The following KCNMA1 variants were observed in gnomAD, a reference collection of about 807,000 sequenced individuals.
The protein encoded by KCNMA1 is potassium calcium-activated channel subfamily M alpha 1.
In KCNMA1, 29 loss-of-function variants were observed where a neutral mutation model predicts 140.0. The ratio of observed to expected loss-of-function variants is 0.21; its 90% CI spans 0.15 to 0.28. The LOEUF (loss-of-function observed/expected upper bound fraction) is 0.28. Among genes scored for constraint, KCNMA1 ranks in the 10% least tolerant of loss-of-function variants. The pLI is 1.00. For missense variants in KCNMA1, 880 were observed against 1,602.2 expected, an observed-to-expected ratio of 0.55 and a Z score of 7.70; for synonymous variants, 612 against 611.9, an observed-to-expected ratio of 1.00 and a Z score of 0.00.
chr10:77,636,234 T>C, intron 1 of KCNMA1: 1 of 1,432,564 alleles, frequency 7.0e-7, no homozygotes, highest in Non-Finnish European at 9.1e-7. Context: ...TCTGCAGTTT[T>C]CTATCAGTGT....
intron 5 of KCNMA1, among the ~76,000 whole-genome samples, chr10:77,179,748 G>A (rs2098787775): frequency 6.6e-6 from 1 of 152,170 alleles, no homozygotes; most frequent in Non-Finnish European, 1.5e-5. Flanking sequence ...CCTTGGACAA[G>A]ATAATCTCTC....
At chr10:76,950,425 A>G (rs993375018) in intron 21 of KCNMA1, among the ~76,000 whole-genome samples, 1 of 152,206 alleles carries the variant, frequency 6.6e-6, no homozygotes, top group Non-Finnish European at 1.5e-5. Context: ...CAGTCACTCT[A>G]TTAGAGGAGA....
chr10:77,186,128 T>A (rs1301799494), intron 3 of KCNMA1, among the ~76,000 whole-genome samples: 3 of 152,130 alleles, frequency 2.0e-5, no homozygotes, highest in African/African-American at 7.2e-5. Flanking sequence ...CAGGAATCTG[T>A]GCAGTAGAGG....
rs572673538 is a variant in KCNMA1, at chr10:76,885,562, A to G, written c.*1704T>C. ...AAAATCTAAATCCAAAACATTCACC[A>G]TAAAAACACCTTTTTAGAGATGGTA... On this transcript the variant is annotated 3_prime_UTR_variant, in exon 28 of 28. Transcript: ENST00000286628. 29 of 985,390 alleles carry G rather than the reference A, an allele frequency of 2.9e-5. 1 individual carries two copies. In the South Asian group the frequency reaches 1.2e-3, roughly 42 times the overall value. The allele number at this position is 985,390 out of a possible 1,614,324, so 61.0% of individuals were successfully genotyped here.
chr10:77,285,241 A>C lies in KCNMA1; in HGVS notation c.541-33985T>G, dbSNP rs1390331009. ...TCACAATACTTATGCTAAATATGTA[A>C]GAAAATTTCTGATAGACTCTAAATC... On this transcript the variant is annotated intron_variant, in intron 2 of 27. Transcript: ENST00000286628. 3.9e-5 allele frequency among the ~76,000 whole-genome samples: 6 copies of C among 152,344 alleles called. No homozygotes were observed. In the East Asian group the frequency reaches 1.2e-3, roughly 29 times the overall value.
intron 3 of KCNMA1, among the ~76,000 whole-genome samples, chr10:77,200,276 T>G (rs1380155212): frequency 6.6e-6 from 1 of 151,940 alleles, no homozygotes; most frequent in Non-Finnish European, 1.5e-5. Context: ...TGCTGGAGAG[T>G]GGTACCATTA....
intron 1 of KCNMA1, among the ~76,000 whole-genome samples, chr10:77,559,851 A>G (rs2619638): frequency 0.91 from 138,595 of 152,128 alleles, 63,274 homozygotes; most frequent in Middle Eastern, 0.97. Flanking sequence ...GCATTTAAGC[A>G]CCCTCAACTA....
rs2091393896 is a variant in KCNMA1 at position 77,013,722 on chromosome 10, A to T, written c.2016-1679T>A. Among the ~76,000 whole-genome samples the T allele has an allele frequency of 2.6e-5, 4 of 152,216 alleles. No individual in the cohort carries two copies. The South Asian group carries it at 8.3e-4, about 32-fold the overall frequency. On this transcript the variant is annotated intron_variant, in intron 17 of 27. Transcript: ENST00000286628. The stretch of plus-strand genomic sequence containing the variant: ...AGCATTAAACATATTTGATCCTCAA[A>T]CAACCCTTTGAAGGAGGTATGATTA...
chr10:77,404,110 G>A lies in KCNMA1; in HGVS notation c.379-87C>T, dbSNP rs187580473. The A allele has an allele frequency of 9.0e-5, 121 of 1,338,140 alleles. No homozygotes were observed. In the Admixed American group the frequency reaches 1.1e-3, roughly 12 times the overall value. The allele number at this position is 1,338,140 out of a possible 1,614,324, so 82.9% of individuals were successfully genotyped here. On this transcript the variant is annotated intron_variant, in intron 1 of 27. Transcript: ENST00000286628. ...ACCCATAAAGAACCAGAGCCAGAAGGGGTCCCCAGCTGAGATGGAAACTAG... is the reference window on the plus strand; with the variant it reads ...ACCCATAAAGAACCAGAGCCAGAAGAGGTCCCCAGCTGAGATGGAAACTAG...
intron 1 of KCNMA1, among the ~76,000 whole-genome samples, chr10:77,544,876 C>T (rs2061045647): frequency 6.6e-6 from 1 of 152,208 alleles, no homozygotes. Flanking sequence ...GGCACTGACT[C>T]TGCTCCCTGG....
chr10:77,303,430 C>A (rs886515566), intron 2 of KCNMA1, among the ~76,000 whole-genome samples: 1 of 152,146 alleles, frequency 6.6e-6, no homozygotes, highest in African/African-American at 2.4e-5. Context: ...ACTTTCCCAC[C>A]CTTAACCCCA....
In KCNMA1 at chr10:76,886,394, A is replaced by T; in HGVS notation, c.*872T>A. 1 of 985,148 alleles carries T rather than the reference A, an allele frequency of 1.0e-6. No individual in the cohort carries two copies. The highest frequency in any genetic ancestry group is 1.2e-6 in the Non-Finnish European group (1 of 829,656). The allele number at this position is 985,148 out of a possible 1,614,324, so 61.0% of individuals were successfully genotyped here. A position where few individuals can be genotyped will look rare whatever the true frequency, so the allele number is the denominator to read the frequency against. ...TTTTAATGACTTACATCTGATATTT[A>T]TGATACATATGGCTTTTCATCCCAA... On this transcript the variant is annotated 3_prime_UTR_variant, in exon 28 of 28. Transcript: ENST00000286628.
intron 25 of KCNMA1, among the ~76,000 whole-genome samples, chr10:76,893,794 C>G (rs1291703386): frequency 6.6e-6 from 1 of 152,040 alleles, no homozygotes; most frequent in Non-Finnish European, 1.5e-5. Flanking sequence ...AGGAACAAGA[C>G]TGGTATACTG....
rs559560147 is a variant in KCNMA1 at position 77,366,279 on chromosome 10, C to T, written c.540+37583G>A. On this transcript the variant is annotated intron_variant, in intron 2 of 27. Coordinates refer to ENST00000286628, the MANE Select transcript of KCNMA1 (RefSeq NM_001161352.2). ...CGCCTCCCAGGTTCAAGTAATTCTCCTGTCTCAGCCCCTGGAGTAGTTGAG... is the reference window on the plus strand; with the variant it reads ...CGCCTCCCAGGTTCAAGTAATTCTCTTGTCTCAGCCCCTGGAGTAGTTGAG... 1.6e-4 allele frequency among the ~76,000 whole-genome samples: 25 copies of T among 152,258 alleles called. No homozygotes were observed. The South Asian group carries it at 4.4e-3, about 27-fold the overall frequency.
intron 20 of KCNMA1, among the ~76,000 whole-genome samples, chr10:76,963,338 G>A (rs1210606781): frequency 6.6e-6 from 1 of 152,200 alleles, no homozygotes; most frequent in Non-Finnish European, 1.5e-5. Flanking sequence ...TGCTGAATTA[G>A]ACTGTGTAGG....
At chr10:77,293,008 G>T (rs2073817686) in intron 2 of KCNMA1, among the ~76,000 whole-genome samples, 1 of 152,164 alleles carries the variant, frequency 6.6e-6, no homozygotes, top group Non-Finnish European at 1.5e-5. Flanking sequence ...GAACGCAATG[G>T]ATCTACCTTT....
chr10:77,126,290 T>C (rs975986249), intron 5 of KCNMA1, among the ~76,000 whole-genome samples: 1 of 152,080 alleles, frequency 6.6e-6, no homozygotes, highest in African/African-American at 2.4e-5. Context: ...ACAAGTGAGA[T>C]TTTTACAGTT....
intron 1 of KCNMA1, among the ~76,000 whole-genome samples, chr10:77,469,361 A>C (rs2098104410): frequency 6.6e-6 from 1 of 152,188 alleles, no homozygotes; most frequent in African/African-American, 2.4e-5. Context: ...AAGAGCAGAC[A>C]CCACTCTGGA....
chr10:77,581,794 A>G (rs902074332), intron 1 of KCNMA1, among the ~76,000 whole-genome samples: 1 of 152,204 alleles, frequency 6.6e-6, no homozygotes, highest in South Asian at 2.1e-4. Flanking sequence ...TGGTGGCCTT[A>G]GAAGGACAGG....
Sources: gnomAD v4.1 joint callset for allele counts (sites outside exome capture counted in the v4.1 genomes callset) on GRCh38, gnomAD v4.1.1 for gene constraint, MANE v1.5 for transcripts, NCBI Gene and HGNC (gene_info 2026-07-23, HGNC 2026-07-21) for gene names.